The following TAPT1 variants were observed in gnomAD, a reference collection of about 807,000 sequenced individuals.
TAPT1 encodes transmembrane anterior posterior transformation protein 1 homolog.
TAPT1 carries 28 observed loss-of-function variants against 65.6 expected under a neutral mutation model. The ratio of observed to expected loss-of-function variants is 0.43; its 90% confidence interval spans 0.32 to 0.59. TAPT1 has a LOEUF of 0.59. TAPT1 is among the 20% of genes least tolerant of loss of function. The probability of loss-of-function intolerance (pLI) is 0.09; values close to 1 mark genes in which losing one functional copy is unlikely to be tolerated. For synonymous variants in TAPT1, 278 were observed against 245.2 expected, an observed-to-expected ratio of 1.13 and a Z score of -1.25; for missense variants, 563 against 679.9, an observed-to-expected ratio of 0.83 and a Z score of 1.91.
chr4:16,180,302 T>G (rs1371157648), intron 7 of TAPT1, among the ~76,000 whole-genome samples: 1 of 152,224 alleles, frequency 6.6e-6, no homozygotes, highest in African/African-American at 2.4e-5. Flanking sequence ...TAAAGGCCAG[T>G]GTACACATTT....
chr4:16,188,329 A>G lies in TAPT1; in HGVS notation c.639T>C (p.Phe213=), dbSNP rs1553828210. ...LEVADRLFSS[F]GQDILDALYW... is the part of the protein sequence containing the mutation. Reference sequence around the variant, plus strand: ...AGAGAGCATCTAATATGTCTTGTCCAAAAGATGAAAACAGACGATCAGCTA... The same window carrying G: ...AGAGAGCATCTAATATGTCTTGTCCGAAAGATGAAAACAGACGATCAGCTA... The change falls in exon 5 of 14, where the codon TTT becomes TTC. Residue 213 remains phenylalanine, a synonymous_variant. Transcript: ENST00000405303. 2 of 1,595,744 alleles carry G rather than the reference A, an allele frequency of 1.3e-6. No individual in the cohort carries two copies. The highest frequency in any genetic ancestry group is 8.5e-7 in the Non-Finnish European group (1 of 1,173,748).
At chr4:16,171,655 C>T (rs1747996878) in intron 11 of TAPT1, among the ~76,000 whole-genome samples, 1 of 152,164 alleles carries the variant, frequency 6.6e-6, no homozygotes, top group African/African-American at 2.4e-5. Flanking sequence ...AATAAACTCT[C>T]ACTATGAGAA....
chr4:16,189,048 G>T (rs534234812), intron 4 of TAPT1, among the ~76,000 whole-genome samples: 1 of 152,220 alleles, frequency 6.6e-6, no homozygotes, highest in South Asian at 2.1e-4. Flanking sequence ...TCTAATATTT[G>T]TAAATAATGG....
chr4:16,162,176 TA>T lies in TAPT1; in HGVS notation c.*1131del. The stretch of plus-strand genomic sequence containing the variant: ...ACCCATACGCCTCAAACACCCCATT[TA>T]CTTTCACACAAAATCCTCTCCAGAC... On this transcript the variant is annotated 3_prime_UTR_variant, in exon 14 of 14. Transcript: ENST00000405303. 1 of 153,006 alleles carries T rather than the reference TA, an allele frequency of 6.5e-6. No homozygotes were observed. The highest frequency in any genetic ancestry group is 1.9e-4 in the East Asian group (1 of 5,204). The allele number at this position is 153,006 out of a possible 1,614,324, so 9.5% of individuals were successfully genotyped here. A position where few individuals can be genotyped will look rare whatever the true frequency, so the allele number is the denominator to read the frequency against.
At chr4:16,170,286 G>A (rs1461228277) in intron 12 of TAPT1, among the ~76,000 whole-genome samples, 1 of 152,186 alleles carries the variant, frequency 6.6e-6, no homozygotes, top group Non-Finnish European at 1.5e-5. Flanking sequence ...TGCCTACAGT[G>A]TGCTGAACAA....
At chr4:16,217,410 G>T (rs1751001846) in intron 1 of TAPT1, among the ~76,000 whole-genome samples, 2 of 152,194 alleles carry the variant, frequency 1.3e-5, no homozygotes. Context: ...ACTAAGAAAA[G>T]AAAGAATTAG....
chr4:16,170,505 A>G, intron 12 of TAPT1, 148 bp downstream of exon 12: 1 of 505,140 alleles, frequency 2.0e-6, no homozygotes, highest in Non-Finnish European at 3.6e-6. Flanking sequence ...TAACTGAGTC[A>G]CAAATAAATA....
Position 16,202,444 on chromosome 4 carries a change from T to C in TAPT1, c.449+18A>G. The C allele has an allele frequency of 7.4e-7, 1 of 1,347,414 alleles. No homozygotes were observed. The highest frequency in any genetic ancestry group is 1.0e-6 in the Non-Finnish European group (1 of 963,462). The allele number at this position is 1,347,414 out of a possible 1,614,324, so 83.5% of individuals were successfully genotyped here. On this transcript the variant is annotated intron_variant, in intron 3 of 13. Transcript: ENST00000405303. Reference sequence around the variant, plus strand: ...TGAAATACTATACATTTACAATAGTTAACGATCTTAAACTTACCTTAAGCC... The same window carrying C: ...TGAAATACTATACATTTACAATAGTCAACGATCTTAAACTTACCTTAAGCC...
At position 16,170,819 on chromosome 4, in the gene TAPT1, T is replaced by A. The variant is rs1747944720; in HGVS notation, c.1237-90A>T. On this transcript the variant is annotated intron_variant, in intron 11 of 13. Transcript: ENST00000405303. Reference sequence around the variant, plus strand: ...GTTAATACTTAAAAAGATTTCTCCATGCTGACTTTAACATTTTAGGCATAT... The same window carrying A: ...GTTAATACTTAAAAAGATTTCTCCAAGCTGACTTTAACATTTTAGGCATAT... The A allele has an allele frequency of 5.1e-6, 5 of 985,664 alleles. No individual in the cohort carries two copies. The East Asian group carries it at 1.3e-4, about 25-fold the overall frequency. The allele number at this position is 985,664 out of a possible 1,614,324, so 61.1% of individuals were successfully genotyped here. A position where few individuals can be genotyped will look rare whatever the true frequency, so the allele number is the denominator to read the frequency against.
chr4:16,225,819 G>A (rs993513552), intron 1 of TAPT1: 3 of 937,002 alleles, frequency 3.2e-6, no homozygotes, highest in Admixed American at 6.2e-5. Context: ...TGCAGGGCAA[G>A]TTAACAGGTT....
intron 2 of TAPT1, among the ~76,000 whole-genome samples, chr4:16,208,760 A>C (rs965723970): frequency 3.3e-5 from 5 of 152,244 alleles, no homozygotes; most frequent in Non-Finnish European, 5.9e-5. Context: ...CAGCTTTTCC[A>C]TTCTATACAG....
At chr4:16,169,150 G>A (rs1420554993) in intron 12 of TAPT1, among the ~76,000 whole-genome samples, 2 of 152,204 alleles carry the variant, frequency 1.3e-5, no homozygotes, top group Admixed American at 6.5e-5. Context: ...AAAGTAGAAA[G>A]GTGAGTAAGC....
chr4:16,164,673 C>T (rs1308315011), intron 13 of TAPT1, among the ~76,000 whole-genome samples: 1 of 152,144 alleles, frequency 6.6e-6, no homozygotes, highest in Non-Finnish European at 1.5e-5. Context: ...TCAAGCGCTG[C>T]TTCTGCCTTA....
At position 16,161,861 on chromosome 4, in the gene TAPT1, T is replaced by C. The variant is rs1051604902; in HGVS notation, c.*1447A>G. 8 of 152,206 alleles carry C rather than the reference T, an allele frequency of 5.3e-5. No individual in the cohort carries two copies. The highest frequency in any genetic ancestry group is 8.8e-5 in the Non-Finnish European group (6 of 68,040). 9.4% of individuals were successfully genotyped at this position (152,206 alleles called of 1,614,324 possible). A position where few individuals can be genotyped will look rare whatever the true frequency, so the allele number is the denominator to read the frequency against. On this transcript the variant is annotated 3_prime_UTR_variant, in exon 14 of 14. Transcript: ENST00000405303. ...AAAAATTGCTTTCTGCCTATGTATG[T>C]ACGCCTGAAACATTTGCATGAGAGC...
chr4:16,225,794 T>G (rs1751514365), intron 1 of TAPT1: 1 of 741,500 alleles, frequency 1.3e-6, no homozygotes, highest in South Asian at 6.0e-5. Context: ...GTCAGCTGTC[T>G]GTGAAAAATC....
Position 16,162,910 on chromosome 4 carries a change from C to T in TAPT1, c.*398G>A, listed in dbSNP as rs1747346952. The T allele has an allele frequency of 9.3e-6, 4 of 429,590 alleles. No individual in the cohort carries two copies. Among genetic ancestry groups the T allele is most frequent in the Middle Eastern group, 3.4e-4 (1 of 2,970 alleles). 26.6% of individuals were successfully genotyped at this position (429,590 alleles called of 1,614,324 possible). A position where few individuals can be genotyped will look rare whatever the true frequency, so the allele number is the denominator to read the frequency against. Reference sequence around the variant, plus strand: ...AAATAGTATGAGACTGGAAAGATTACGTCGTGGTAAAAGTTTCACAGTTTT... The same window carrying T: ...AAATAGTATGAGACTGGAAAGATTATGTCGTGGTAAAAGTTTCACAGTTTT... On this transcript the variant is annotated 3_prime_UTR_variant, in exon 14 of 14. Transcript: ENST00000405303.
At chr4:16,169,490 T>A (rs1174676612) in intron 12 of TAPT1, among the ~76,000 whole-genome samples, 2 of 152,212 alleles carry the variant, frequency 1.3e-5, no homozygotes, top group African/African-American at 2.4e-5. Context: ...GTCTTAATGT[T>A]TTTTAATGTC....
chr4:16,222,107 G>C (rs1751286435), intron 1 of TAPT1, among the ~76,000 whole-genome samples: 1 of 152,190 alleles, frequency 6.6e-6, no homozygotes, highest in Non-Finnish European at 1.5e-5. Flanking sequence ...AATGAGAATA[G>C]AATATCATTA....
intron 7 of TAPT1, among the ~76,000 whole-genome samples, chr4:16,184,193 A>G (rs1428448933): frequency 6.6e-6 from 1 of 152,130 alleles, no homozygotes; most frequent in East Asian, 1.9e-4. Context: ...CAAATGCCCA[A>G]CAAACAACCT....
Sources: gnomAD v4.1 joint callset for allele counts (sites outside exome capture counted in the v4.1 genomes callset) on GRCh38, gnomAD v4.1.1 for gene constraint, MANE v1.5 for transcripts, NCBI Gene and HGNC (gene_info 2026-07-23, HGNC 2026-07-21) for gene names.